The following MYZAP variants were observed in gnomAD, a reference collection of about 807,000 sequenced individuals.
The protein encoded by MYZAP is myocardial zonula adherens protein.
Under a neutral mutation model 69.4 loss-of-function variants are expected in MYZAP, and 66 were observed. The observed-to-expected ratio is 0.95, with a 90% CI of 0.78 to 1.17. The LOEUF is 1.17. Ranked by LOEUF, MYZAP falls within the 50% of genes most tolerant of loss-of-function variation. The pLI, the probability that MYZAP is intolerant of heterozygous loss-of-function variation, is 0.00. For synonymous variants in MYZAP, 256 were observed against 205.9 expected, an observed-to-expected ratio of 1.24 and a Z score of -2.09; for missense variants, 611 against 556.2, an observed-to-expected ratio of 1.10 and a Z score of -0.99.
intron 10 of MYZAP, among the ~76,000 whole-genome samples, chr15:57,660,851 G>A (rs1057469212): frequency 5.9e-5 from 9 of 152,114 alleles, no homozygotes; most frequent in Admixed American, 2.6e-4. Flanking sequence ...AAAAAACAAA[G>A]ATGGATCTTT....
At chr15:57,603,426 T>C (rs546546359) in intron 1 of MYZAP, among the ~76,000 whole-genome samples, 1 of 152,302 alleles carries the variant, frequency 6.6e-6, no homozygotes, top group African/African-American at 2.4e-5. Context: ...GGCACCACCA[T>C]CTATCTCGAG....
intron 10 of MYZAP, chr15:57,646,226 C>G (rs1400872330): frequency 7.8e-7 from 1 of 1,289,206 alleles, no homozygotes; most frequent in Non-Finnish European, 1.0e-6. Flanking sequence ...GAAGCGATTC[C>G]TTTATTGTTC....
At chr15:57,621,827 A>C in intron 4 of MYZAP, 127 bp downstream of exon 4, 1 of 798,784 alleles carries the variant, frequency 1.3e-6, no homozygotes, top group South Asian at 3.4e-5. Context: ...CATTTTAAAT[A>C]AACTGAGAAA....
rs945164752 is a variant in MYZAP at position 57,604,322 on chromosome 15, G to A, written c.129G>A (p.Glu43=). The A allele has an allele frequency of 3.7e-6, 6 of 1,614,062 alleles. No homozygotes were observed. The Admixed American group carries it at 5.0e-5, about 13-fold the overall frequency. The change falls in exon 2 of 13, where the codon GAG becomes GAA. Residue 43 remains glutamate (E), a synonymous_variant. Transcript: ENST00000267853. ...LTVPPESPVP[E]QCEKKIERKE... ...TACCTCCTGAGAGTCCAGTTCCTGAGCAATGTGAAAAGAAGATTGAGAGAA... is the reference window on the plus strand; with the variant it reads ...TACCTCCTGAGAGTCCAGTTCCTGAACAATGTGAAAAGAAGATTGAGAGAA...
rs57874684 is a variant in MYZAP at position 57,621,602 on chromosome 15, C to A, written c.319-6C>A. On this transcript the variant is annotated splice_polypyrimidine_tract_variant and splice_region_variant and intron_variant, in intron 3 of 12. Coordinates refer to ENST00000267853, the MANE Select transcript of MYZAP (RefSeq NM_001018100.5). ...GATCTCTAACTAGTATCTTTGTGGG[C>A]TACAGGTGAGAGCCACTTTGGAAAA... 1.0e-3 allele frequency: 1,607 copies of A among 1,612,360 alleles called. 18 individuals are homozygous for A. In the African/African-American group the frequency reaches 0.019, roughly 19 times the overall value.
At chr15:57,641,840 A>G (rs183551227) in intron 10 of MYZAP, among the ~76,000 whole-genome samples, 1 of 152,252 alleles carries the variant, frequency 6.6e-6, no homozygotes, top group African/African-American at 2.4e-5. Context: ...GTCAAGGGGC[A>G]TGGACAGGTG....
chr15:57,661,836 G>A (rs896358491), intron 11 of MYZAP, among the ~76,000 whole-genome samples: 7 of 152,126 alleles, frequency 4.6e-5, no homozygotes, highest in Non-Finnish European at 1.0e-4. Context: ...TTTGTCCAGT[G>A]CTTTATAATT....
intron 12 of MYZAP, chr15:57,680,901 G>T (rs1381134912): frequency 6.6e-6 from 1 of 152,150 alleles, no homozygotes; most frequent in Non-Finnish European, 1.5e-5. Flanking sequence ...TTTCCCCAGG[G>T]GAACTGCCCC....
At chr15:57,661,677 T>C (rs970112390) in intron 11 of MYZAP, 144 bp downstream of exon 11, 13 of 713,396 alleles carry the variant, frequency 1.8e-5, no homozygotes, top group East Asian at 1.5e-4. Flanking sequence ...GCCTTGAAAA[T>C]GAGGTTCTGA....
At chr15:57,676,469 C>CAT (rs1253192050) in intron 12 of MYZAP, among the ~76,000 whole-genome samples, 11 of 140,942 alleles carry the variant, frequency 7.8e-5, no homozygotes, top group African/African-American at 2.7e-4. Context: ...CATATATATA[C>CAT]ATATATATAG....
At chr15:57,629,150 G>A (rs116174500) in intron 5 of MYZAP, among the ~76,000 whole-genome samples, 1,552 of 150,626 alleles carry the variant, frequency 0.01, 31 homozygotes, top group African/African-American at 0.035. Context: ...TATAAAGCTC[G>A]TATTTTGTTT....
chr15:57,614,395 G>C (rs1213933120), intron 2 of MYZAP, among the ~76,000 whole-genome samples: 2 of 152,362 alleles, frequency 1.3e-5, no homozygotes, highest in Middle Eastern at 3.4e-3. Flanking sequence ...CAGTCGCTGG[G>C]CTGCAGCTGT....
At chr15:57,667,611 CA>C (rs1595930008) in intron 11 of MYZAP, among the ~76,000 whole-genome samples, 1 of 152,184 alleles carries the variant, frequency 6.6e-6, no homozygotes, top group East Asian at 1.9e-4. Context: ...TTTATTGTAT[CA>C]AATCGGTTAA....
chr15:57,635,487 T>C (rs1480455431), intron 8 of MYZAP, among the ~76,000 whole-genome samples: 1 of 152,192 alleles, frequency 6.6e-6, no homozygotes, highest in African/African-American at 2.4e-5. Flanking sequence ...GTGGGATGAA[T>C]GGGTAGAGCC....
intron 3 of MYZAP, 151 bp from the exon 4 acceptor site, chr15:57,621,457 C>T (rs1266290552): frequency 4.7e-6 from 3 of 637,278 alleles, no homozygotes; most frequent in Non-Finnish European, 7.2e-6. Flanking sequence ...TGTGATCCGC[C>T]TGCCTCGGCC....
At chr15:57,599,630 C>G (rs2034287002) in intron 1 of MYZAP, 2 of 1,289,068 alleles carry the variant, frequency 1.6e-6, no homozygotes. Flanking sequence ...CACTGCCAAG[C>G]CTGGGGCATC....
chr15:57,633,348 C>G (rs2036618916), intron 7 of MYZAP, among the ~76,000 whole-genome samples: 4 of 152,056 alleles, frequency 2.6e-5, no homozygotes. Flanking sequence ...TTGTAGGCCT[C>G]TTTTACACCT....
intron 2 of MYZAP, among the ~76,000 whole-genome samples, chr15:57,617,432 AT>A: frequency 6.6e-6 from 1 of 152,306 alleles, no homozygotes; most frequent in South Asian, 2.1e-4. Flanking sequence ...AACTGAAGGA[AT>A]TAAGAACCAG....
intron 12 of MYZAP, among the ~76,000 whole-genome samples, chr15:57,683,452 T>A (rs2039537737): frequency 6.6e-6 from 1 of 152,142 alleles, no homozygotes; most frequent in Non-Finnish European, 1.5e-5. Context: ...ACATGAAAAT[T>A]TTTTATGTAC....
Sources: gnomAD v4.1 joint callset for allele counts (sites outside exome capture counted in the v4.1 genomes callset) on GRCh38, gnomAD v4.1.1 for gene constraint, MANE v1.5 for transcripts, NCBI Gene and HGNC (gene_info 2026-07-23, HGNC 2026-07-21) for gene names.